ANKS1B: variants seen among roughly 807,000 people sequenced by gnomAD.
ANKS1B encodes ankyrin repeat and sterile alpha motif domain-containing protein 1B.
ANKS1B carries 36 observed loss-of-function variants against 148.3 expected under a neutral mutation model. The ratio of observed to expected loss-of-function variants is 0.24; its 90% CI spans 0.19 to 0.32. The LOEUF (loss-of-function observed/expected upper bound fraction) is 0.32. Among genes scored for constraint, ANKS1B ranks in the 10% least tolerant of loss-of-function variants. ANKS1B has a pLI of 1.00. For missense variants in ANKS1B, 1,157 were observed against 1,542.6 expected (o/e 0.75, Z 4.19); for synonymous variants, 542 against 560.8 (o/e 0.97, Z 0.47).
At chr12:99,784,247 C>T (rs1456283619) in intron 4 of ANKS1B, among the ~76,000 whole-genome samples, 1 of 149,728 alleles carries the variant, frequency 6.7e-6, no homozygotes, top group Non-Finnish European at 1.5e-5. Context: ...TCTCAGCTCA[C>T]TGCAAGCTCC....
intron 17 of ANKS1B, among the ~76,000 whole-genome samples, chr12:99,023,379 T>C (rs73386526): frequency 0.015 from 2,355 of 152,290 alleles, 58 homozygotes; most frequent in African/African-American, 0.054. Context: ...ATTCTTATTC[T>C]TGAATTTTAG....
chr12:99,241,258 T>C (rs867004086), intron 14 of ANKS1B, among the ~76,000 whole-genome samples: 27 of 152,296 alleles, frequency 1.8e-4, no homozygotes, highest in Non-Finnish European at 3.7e-4. Flanking sequence ...CATCAGAGAA[T>C]ACTATAAACA....
At chr12:98,859,388 A>G (rs2099587504) in intron 17 of ANKS1B, among the ~76,000 whole-genome samples, 1 of 152,246 alleles carries the variant, frequency 6.6e-6, no homozygotes, top group South Asian at 2.1e-4. Context: ...CTGGGCATTA[A>G]TCAACCATTT....
At position 99,647,111 on chromosome 12, in the gene ANKS1B, C is replaced by G. The variant is rs183831339; in HGVS notation, c.1272+7956G>C. 3.3e-5 allele frequency among the ~76,000 whole-genome samples: 5 copies of G among 152,192 alleles called. No individual in the cohort carries two copies. The East Asian group carries it at 9.6e-4, about 29-fold the overall frequency. ...ATACCTAAGCACTTTAAACATTTCACTGAACATAATTCCATATCCACAAAC... is the reference window on the plus strand; with the variant it reads ...ATACCTAAGCACTTTAAACATTTCAGTGAACATAATTCCATATCCACAAAC... On this transcript the variant is annotated intron_variant, in intron 9 of 26. Coordinates refer to ENST00000683438, the MANE Select transcript of ANKS1B (RefSeq NM_001352186.2).
At chr12:98,957,300 A>G (rs2099863805) in intron 17 of ANKS1B, among the ~76,000 whole-genome samples, 1 of 148,800 alleles carries the variant, frequency 6.7e-6, no homozygotes, top group Non-Finnish European at 1.5e-5. Context: ...ATGCTCCAGG[A>G]TTTTTTTTAA....
intron 12 of ANKS1B, among the ~76,000 whole-genome samples, chr12:99,373,788 C>T (rs753168911): frequency 5.9e-5 from 9 of 151,686 alleles, no homozygotes; most frequent in South Asian, 2.1e-4. Flanking sequence ...AGTGACTTGG[C>T]GAAAGTGAGA....
At chr12:99,928,288 T>TTTTGAGACGGAGTC (rs1222450531) in intron 1 of ANKS1B, among the ~76,000 whole-genome samples, 1 of 150,038 alleles carries the variant, frequency 6.7e-6, no homozygotes, top group African/African-American at 2.4e-5. Flanking sequence ...TTTTTTTTTT[T>TTTTGAGACGGAGTC]TGAGACGGAG....
chr12:98,765,838 C>T (rs145252077), intron 25 of ANKS1B, among the ~76,000 whole-genome samples: 21 of 152,094 alleles, frequency 1.4e-4, no homozygotes, highest in Admixed American at 3.3e-4. Flanking sequence ...TTAGGTGATC[C>T]GCCTGCCTTG....
At chr12:99,607,212 C>T (rs1362181383) in intron 9 of ANKS1B, among the ~76,000 whole-genome samples, 1 of 152,022 alleles carries the variant, frequency 6.6e-6, no homozygotes, top group Non-Finnish European at 1.5e-5. Context: ...CTTCCCAGAC[C>T]CCAGAATCCA....
chr12:98,894,734 G>A, intron 17 of ANKS1B: 1 of 985,590 alleles, frequency 1.0e-6, no homozygotes, highest in Non-Finnish European at 1.2e-6. Flanking sequence ...CCTAGCCGTT[G>A]CCTCTGTGCA....
chr12:99,332,569 T>C (rs1259455411), intron 12 of ANKS1B, among the ~76,000 whole-genome samples: 1 of 151,718 alleles, frequency 6.6e-6, no homozygotes, highest in Non-Finnish European at 1.5e-5. Flanking sequence ...ATGGTTTTAA[T>C]GCTAAAAACG....
chr12:99,534,900 G>A (rs1028519839), intron 9 of ANKS1B, among the ~76,000 whole-genome samples: 2 of 151,686 alleles, frequency 1.3e-5, no homozygotes, highest in Non-Finnish European at 2.9e-5. Context: ...TAGTAGAGAC[G>A]GGGTTTCACC....
chr12:99,944,393 C>A (rs1316849137), intron 1 of ANKS1B, among the ~76,000 whole-genome samples: 1 of 152,174 alleles, frequency 6.6e-6, no homozygotes, highest in Non-Finnish European at 1.5e-5. Flanking sequence ...TCCCAGTGGC[C>A]CTTGGCCGTC....
chr12:99,646,903 G>T (rs1170358602), intron 9 of ANKS1B, among the ~76,000 whole-genome samples: 1 of 150,918 alleles, frequency 6.6e-6, no homozygotes, highest in Non-Finnish European at 1.5e-5. Context: ...CATAGCCAGG[G>T]TATGAATGTC....
chr12:98,767,337 C>A (rs1310091252), intron 25 of ANKS1B, among the ~76,000 whole-genome samples: 1 of 152,132 alleles, frequency 6.6e-6, no homozygotes, highest in Non-Finnish European at 1.5e-5. Context: ...CGTTTTGTCA[C>A]TTCTGTTTCT....
At chr12:99,005,352 A>G (rs1224063654) in intron 17 of ANKS1B, among the ~76,000 whole-genome samples, 1 of 152,210 alleles carries the variant, frequency 6.6e-6, no homozygotes, top group Non-Finnish European at 1.5e-5. Flanking sequence ...GCTCCTGTGC[A>G]GCTGCTCTCA....
At chr12:99,254,999 A>G (rs2075089239) in intron 12 of ANKS1B, among the ~76,000 whole-genome samples, 1 of 152,188 alleles carries the variant, frequency 6.6e-6, no homozygotes, top group South Asian at 2.1e-4. Context: ...TAGTTTTTAC[A>G]TGATTACTCA....
chr12:99,237,795 T>A (rs944092398), intron 14 of ANKS1B, among the ~76,000 whole-genome samples: 5 of 152,212 alleles, frequency 3.3e-5, no homozygotes, highest in Admixed American at 2.0e-4. Context: ...TATATATACA[T>A]ATTTGAAGAC....
At chr12:99,822,203 G>A (rs951653434) in intron 2 of ANKS1B, among the ~76,000 whole-genome samples, 19 of 152,146 alleles carry the variant, frequency 1.2e-4, no homozygotes, top group African/African-American at 4.6e-4. Context: ...CTAAGATTAA[G>A]TATGAAGAAG....
Sources: allele counts gnomAD v4.1 joint callset (sites outside exome capture counted in the v4.1 genomes callset), GRCh38; gene constraint gnomAD v4.1.1; transcripts MANE v1.5; gene names NCBI Gene and HGNC (gene_info 2026-07-23, HGNC 2026-07-21).